CACNA2D1: variants seen among roughly 807,000 people sequenced by gnomAD.
The protein encoded by CACNA2D1 is voltage-dependent calcium channel subunit alpha-2/delta-1.
CACNA2D1 carries 53 observed loss-of-function variants against 171.5 expected under a neutral mutation model. That is an observed-to-expected ratio of 0.31 (90% CI 0.25 to 0.39). The LOEUF (loss-of-function observed/expected upper bound fraction) is 0.39. Ranked by LOEUF, CACNA2D1 falls within the 10% of genes least tolerant of loss-of-function variation. The probability of loss-of-function intolerance (pLI) is 1.00; values close to 1 mark genes in which losing one functional copy is unlikely to be tolerated. For missense variants in CACNA2D1, 903 were observed against 1,299.8 expected, an observed-to-expected ratio of 0.69 and a Z score of 4.69; for synonymous variants, 442 against 443.1, an observed-to-expected ratio of 1.00 and a Z score of 0.03.
chr7:82,233,096 T>C (rs1803151192), intron 3 of CACNA2D1, among the ~76,000 whole-genome samples: 1 of 152,114 alleles, frequency 6.6e-6, no homozygotes, highest in Admixed American at 6.6e-5. Flanking sequence ...GGAGATACTG[T>C]ACTTTTTCTG....
chr7:82,188,953 T>C (rs949165709), intron 3 of CACNA2D1, among the ~76,000 whole-genome samples: 19 of 151,962 alleles, frequency 1.3e-4, no homozygotes, highest in South Asian at 4.1e-4. Flanking sequence ...CACTTACAAG[T>C]GAGAGCTAAA....
intron 6 of CACNA2D1, among the ~76,000 whole-genome samples, chr7:82,093,418 C>T (rs1214605119): frequency 6.6e-6 from 1 of 152,064 alleles, no homozygotes; most frequent in Non-Finnish European, 1.5e-5. Flanking sequence ...TCTGATCTGA[C>T]TCCTAAAATC....
intron 18 of CACNA2D1, among the ~76,000 whole-genome samples, chr7:81,998,502 T>C (rs567754576): frequency 6.8e-4 from 104 of 152,176 alleles, no homozygotes; most frequent in South Asian, 8.3e-4. Context: ...TGACATAGTA[T>C]ACACGGCATG....
intron 5 of CACNA2D1, among the ~76,000 whole-genome samples, chr7:82,127,703 G>T (rs1563087428): frequency 2.0e-5 from 3 of 152,090 alleles, no homozygotes. Flanking sequence ...TTTAAATTGG[G>T]TTTTTAAGTA....
At chr7:82,208,640 A>G (rs1183351286) in intron 3 of CACNA2D1, among the ~76,000 whole-genome samples, 2 of 152,152 alleles carry the variant, frequency 1.3e-5, no homozygotes, top group African/African-American at 4.8e-5. Context: ...GGTTTTAGAA[A>G]TATCTTTACT....
chr7:82,103,105 C>T (rs75886458), intron 6 of CACNA2D1, among the ~76,000 whole-genome samples: 2 of 152,116 alleles, frequency 1.3e-5, no homozygotes, highest in South Asian at 2.1e-4. Flanking sequence ...GGCACGAGTT[C>T]GAGACCAGCC....
At position 82,411,611 on chromosome 7, in the gene CACNA2D1, T is replaced by C. The variant is rs941671821; in HGVS notation, c.95+31754A>G. 5.9e-5 allele frequency among the ~76,000 whole-genome samples: 9 copies of C among 151,960 alleles called. No individual in the cohort carries two copies. In the East Asian group the frequency reaches 9.7e-4, roughly 16 times the overall value. On this transcript the variant is annotated intron_variant, in intron 1 of 38. Transcript: ENST00000356860. ...AAGCACCTATATGTACATCCAAGAA[T>C]CTAAAACCTCAAAGCCTATTCTCCA...
intron 3 of CACNA2D1, among the ~76,000 whole-genome samples, chr7:82,290,916 C>G (rs540078203): frequency 1.3e-5 from 2 of 151,390 alleles, no homozygotes; most frequent in African/African-American, 2.4e-5. Context: ...TTTTAAAAAG[C>G]CTGCCACCTT....
intron 6 of CACNA2D1, among the ~76,000 whole-genome samples, chr7:82,091,262 T>G (rs1293521348): frequency 6.6e-6 from 1 of 152,150 alleles, no homozygotes; most frequent in Admixed American, 6.5e-5. Context: ...GGCACCAGAA[T>G]CCACCTCGCA....
At chr7:82,271,029 T>G (rs1253098845) in intron 3 of CACNA2D1, among the ~76,000 whole-genome samples, 4 of 152,106 alleles carry the variant, frequency 2.6e-5, no homozygotes, top group Non-Finnish European at 5.9e-5. Flanking sequence ...TGGCTCTATT[T>G]CATTCTTCCA....
At chr7:82,109,408 G>C (rs865913310) in intron 6 of CACNA2D1, among the ~76,000 whole-genome samples, 1 of 152,036 alleles carries the variant, frequency 6.6e-6, no homozygotes, top group South Asian at 2.1e-4. Context: ...GGATTTTTCA[G>C]CTCTTCATCT....
intron 3 of CACNA2D1, among the ~76,000 whole-genome samples, chr7:82,179,161 T>C (rs1197574005): frequency 1.3e-5 from 2 of 152,022 alleles, no homozygotes; most frequent in Non-Finnish European, 2.9e-5. Context: ...GCTAGGGAAG[T>C]GGCAAGGATA....
intron 3 of CACNA2D1, among the ~76,000 whole-genome samples, chr7:82,237,741 T>C (rs1360883920): frequency 6.6e-6 from 1 of 151,984 alleles, no homozygotes; most frequent in African/African-American, 2.4e-5. Flanking sequence ...TTCAAATATA[T>C]ATTCAGTACT....
At chr7:82,308,078 ATTG>A (rs1813956226) in intron 3 of CACNA2D1, among the ~76,000 whole-genome samples, 1 of 152,050 alleles carries the variant, frequency 6.6e-6, no homozygotes, top group Admixed American at 6.5e-5. Flanking sequence ...TTCCTTTCTT[ATTG>A]GCAAGATTTT....
chr7:82,128,690 G>A (rs989152614), intron 5 of CACNA2D1, among the ~76,000 whole-genome samples: 1 of 152,104 alleles, frequency 6.6e-6, no homozygotes, highest in Non-Finnish European at 1.5e-5. Context: ...CGAAAGAACA[G>A]TAGAAATCAG....
intron 1 of CACNA2D1, among the ~76,000 whole-genome samples, chr7:82,386,262 CA>C (rs1476296531): frequency 6.6e-6 from 1 of 152,128 alleles, no homozygotes; most frequent in Non-Finnish European, 1.5e-5. Context: ...GGCAGATTCT[CA>C]ACTCTTACTT....
chr7:82,285,380 G>T (rs975850084), intron 3 of CACNA2D1, among the ~76,000 whole-genome samples: 1 of 152,054 alleles, frequency 6.6e-6, no homozygotes, highest in Admixed American at 6.6e-5. Flanking sequence ...CCTAGCCAAG[G>T]TACCTTTCCC....
At chr7:82,165,777 A>T (rs982260699) in intron 4 of CACNA2D1, among the ~76,000 whole-genome samples, 1 of 152,092 alleles carries the variant, frequency 6.6e-6, no homozygotes, top group Non-Finnish European at 1.5e-5. Context: ...CATAGCAGAA[A>T]TGTTGCAAAA....
chr7:82,179,611 C>T lies in CACNA2D1; in HGVS notation c.295-9002G>A, dbSNP rs183638247. Among the ~76,000 whole-genome samples, 20 of 152,218 alleles carry T rather than the reference C, an allele frequency of 1.3e-4. No homozygotes were observed. In the East Asian group the frequency reaches 3.5e-3, roughly 27 times the overall value. ...GGTTGTTTTATGTCCCATGTGACCG[C>T]TCCTTTACATATCTAGCAATTATTT... On this transcript the variant is annotated intron_variant, in intron 3 of 38. Coordinates refer to ENST00000356860, the MANE Select transcript of CACNA2D1 (RefSeq NM_000722.4).
Sources: allele counts gnomAD v4.1 joint callset (sites outside exome capture counted in the v4.1 genomes callset), GRCh38; gene constraint gnomAD v4.1.1; transcripts MANE v1.5; gene names NCBI Gene and HGNC (gene_info 2026-07-23, HGNC 2026-07-21).